Variants in RBFOX1 observed in about 807,000 individuals in gnomAD.
RBFOX1 encodes the protein RNA binding fox-1 homolog 1, also known as RNA binding protein fox-1 homolog 1.
A neutral mutation model predicts 57.7 loss-of-function variants in RBFOX1; 8 were observed. That is an observed-to-expected ratio of 0.14 (90% CI 0.08 to 0.25). The LOEUF is 0.25. Among genes scored for constraint, RBFOX1 ranks in the 10% least tolerant of loss-of-function variants. The pLI, the probability that RBFOX1 is intolerant of heterozygous loss-of-function variation, is 1.00. For missense variants in RBFOX1, 611 were observed against 548.5 expected, an observed-to-expected ratio of 1.11 and a Z score of -1.14; for synonymous variants, 326 against 222.4, an observed-to-expected ratio of 1.47 and a Z score of -4.15.
intron 4 of RBFOX1, among the ~76,000 whole-genome samples, chr16:7,172,456 T>C (rs919258964): frequency 6.6e-6 from 1 of 152,180 alleles, no homozygotes; most frequent in Non-Finnish European, 1.5e-5. Flanking sequence ...TATTTCTCTG[T>C]CTCCCACAAC....
intron 2 of RBFOX1, among the ~76,000 whole-genome samples, chr16:6,398,821 C>T (rs7200226): frequency 2.6e-5 from 4 of 152,200 alleles, no homozygotes; most frequent in African/African-American, 7.2e-5. Flanking sequence ...TGCTACCATT[C>T]TGGGATCTGG....
intron 14 of RBFOX1, among the ~76,000 whole-genome samples, chr16:7,707,404 G>A (rs1312730380): frequency 6.6e-6 from 1 of 152,104 alleles, no homozygotes; most frequent in Non-Finnish European, 1.5e-5. Context: ...GGGGAAAACA[G>A]GAAAGGAGAG....
intron 3 of RBFOX1, among the ~76,000 whole-genome samples, chr16:6,893,475 A>G (rs1182888380): frequency 6.6e-6 from 1 of 152,174 alleles, no homozygotes; most frequent in African/African-American, 2.4e-5. Context: ...TAGCTGTGCG[A>G]TAGAGAGGTC....
intron 1 of RBFOX1, among the ~76,000 whole-genome samples, chr16:6,264,871 G>A (rs747556110): frequency 4.6e-5 from 7 of 152,094 alleles, no homozygotes; most frequent in Non-Finnish European, 8.8e-5. Flanking sequence ...CTGAGTCCAT[G>A]GCATATGACC....
intron 2 of RBFOX1, among the ~76,000 whole-genome samples, chr16:6,439,043 C>G (rs2094309630): frequency 6.6e-6 from 1 of 152,152 alleles, no homozygotes; most frequent in Non-Finnish European, 1.5e-5. Flanking sequence ...GTCCTGGAAA[C>G]TGACCCCAGT....
chr16:6,668,886 TAATC>T (rs755839741), intron 3 of RBFOX1, among the ~76,000 whole-genome samples: 3 of 152,248 alleles, frequency 2.0e-5, no homozygotes, highest in Non-Finnish European at 4.4e-5. Flanking sequence ...AGGAAATGCT[TAATC>T]AAGCACAGAG....
intron 1 of RBFOX1, among the ~76,000 whole-genome samples, chr16:5,439,565 C>T (rs1189751715): frequency 2.0e-5 from 3 of 151,664 alleles, no homozygotes; most frequent in Non-Finnish European, 4.4e-5. Flanking sequence ...GTGAACTGGG[C>T]ATGAGGAATG....
Position 6,795,067 on chromosome 16 carries a change from T to C in RBFOX1, c.-16+140417T>C, listed in dbSNP as rs191577549. On this transcript the variant is annotated intron_variant, in intron 3 of 15. Coordinates refer to ENST00000550418, the MANE Select transcript of RBFOX1 (RefSeq NM_018723.4). ...TTTTCTCTTGATAGTTGATGTGATATATGTCACTTTAAAAAAATGAGTTTC... is the reference window on the plus strand; with the variant it reads ...TTTTCTCTTGATAGTTGATGTGATACATGTCACTTTAAAAAAATGAGTTTC... 8.5e-5 allele frequency among the ~76,000 whole-genome samples: 13 copies of C among 152,324 alleles called. No homozygotes were observed. The East Asian group carries it at 2.1e-3, about 25-fold the overall frequency.
chr16:7,054,213 C>CGGCGGGGGGGG (rs1345662627), intron 4 of RBFOX1, among the ~76,000 whole-genome samples: 18 of 17,830 alleles, frequency 1.0e-3, no homozygotes, highest in African/African-American at 7.8e-3. Context: ...TTTTTTTTTT[C>CGGCGGGGGGGG]GGGGGGGGGG....
intron 1 of RBFOX1, among the ~76,000 whole-genome samples, chr16:6,199,383 C>T (rs1324004187): frequency 6.6e-6 from 1 of 152,248 alleles, no homozygotes; most frequent in South Asian, 2.1e-4. Flanking sequence ...GTCAAATGAG[C>T]TGTGACCATA....
chr16:6,821,694 C>A (rs181049978), intron 3 of RBFOX1, among the ~76,000 whole-genome samples: 2 of 152,216 alleles, frequency 1.3e-5, no homozygotes, highest in African/African-American at 2.4e-5. Context: ...GATTAATTCA[C>A]ATGATAGCCT....
chr16:6,168,051 C>G (rs759326191), intron 1 of RBFOX1, among the ~76,000 whole-genome samples: 4 of 152,140 alleles, frequency 2.6e-5, no homozygotes, highest in Admixed American at 6.5e-5. Context: ...ACAGTTTTGT[C>G]TGTGATATAT....
intron 1 of RBFOX1, among the ~76,000 whole-genome samples, chr16:5,317,165 A>G (rs1348927368): frequency 6.6e-6 from 1 of 152,080 alleles, no homozygotes; most frequent in Non-Finnish European, 1.5e-5. Context: ...TTTATAAATG[A>G]GTGAACCAAT....
chr16:6,169,921 C>T (rs1473114194), intron 1 of RBFOX1, among the ~76,000 whole-genome samples: 1 of 152,152 alleles, frequency 6.6e-6, no homozygotes, highest in African/African-American at 2.4e-5. Context: ...TGCGCCACCA[C>T]ACCTGACTAG....
At chr16:7,305,971 C>T (rs1257507116) in intron 4 of RBFOX1, among the ~76,000 whole-genome samples, 1 of 152,076 alleles carries the variant, frequency 6.6e-6, no homozygotes. Context: ...GTTATTTCCA[C>T]CGGAAGAAAA....
intron 4 of RBFOX1, among the ~76,000 whole-genome samples, chr16:5,969,477 A>ATTTTTTTTTTTTTT (rs34622040): frequency 8.5e-6 from 1 of 117,040 alleles, no homozygotes; most frequent in Admixed American, 9.5e-5. Flanking sequence ...ACGCCTGGCT[A>ATTTTTTTTTTTTTT]TTTTTTTTTT....
At chr16:5,293,639 A>G (rs916740882) in intron 1 of RBFOX1, among the ~76,000 whole-genome samples, 40 of 152,208 alleles carry the variant, frequency 2.6e-4, no homozygotes, top group African/African-American at 9.2e-4. Context: ...CATTTTGGTG[A>G]TTGCTACCTT....
intron 3 of RBFOX1, among the ~76,000 whole-genome samples, chr16:6,991,805 G>A (rs2091506140): frequency 6.6e-6 from 1 of 152,174 alleles, no homozygotes; most frequent in African/African-American, 2.4e-5. Flanking sequence ...CCAAAGTGCT[G>A]CTAGGATTAC....
intron 4 of RBFOX1, among the ~76,000 whole-genome samples, chr16:7,193,493 C>G (rs2085933078): frequency 6.6e-6 from 1 of 152,206 alleles, no homozygotes; most frequent in Non-Finnish European, 1.5e-5. Flanking sequence ...GCAGCAGTAT[C>G]AAGCTAATAC....
Sources: gnomAD v4.1 joint callset for allele counts (sites outside exome capture counted in the v4.1 genomes callset) on GRCh38, gnomAD v4.1.1 for gene constraint, MANE v1.5 for transcripts, NCBI Gene and HGNC (gene_info 2026-07-23, HGNC 2026-07-21) for gene names.